Variants in PTPRT observed in about 807,000 individuals in gnomAD.
PTPRT encodes receptor-type tyrosine-protein phosphatase T.
PTPRT carries 56 observed loss-of-function variants against 176.8 expected under a neutral mutation model. The ratio of observed to expected loss-of-function variants is 0.32; its 90% CI spans 0.26 to 0.40. The LOEUF (loss-of-function observed/expected upper bound fraction) is 0.40, where lower values mean the gene tolerates loss of function less well. Among genes scored for constraint, PTPRT ranks in the 10% least tolerant of loss-of-function variants. The pLI, the probability that PTPRT is intolerant of heterozygous loss-of-function variation, is 1.00. For missense variants in PTPRT, 1,540 were observed against 1,908.2 expected, an observed-to-expected ratio of 0.81 and a Z score of 3.60; for synonymous variants, 783 against 739.0, an observed-to-expected ratio of 1.06 and a Z score of -0.96.
the PTPRT span, among the ~76,000 whole-genome samples, chr20:42,056,399 G>A: frequency 6.6e-6 from 1 of 152,164 alleles, no homozygotes; most frequent in Non-Finnish European, 1.5e-5. Flanking sequence ...CATTGTGGAG[G>A]CATGAAAAAT....
Position 42,455,537 on chromosome 20 carries a change from T to G in PTPRT, c.1451-7208A>C, listed in dbSNP as rs60219886. ...AAACACTTTCTCTATCCTGAAGTCA[T>G]GAGAATATTTGTCTAAATTTTCATT... On this transcript the variant is annotated intron_variant, in intron 8 of 30. Coordinates refer to ENST00000373187, the MANE Select transcript of PTPRT (RefSeq NM_007050.6). Among the ~76,000 whole-genome samples, 748 of 152,332 alleles carry G rather than the reference T, an allele frequency of 4.9e-3. 6 individuals are homozygous for G. The highest frequency in any genetic ancestry group is 0.016 in the African/African-American group (686 of 41,578).
intron 6 of PTPRT, among the ~76,000 whole-genome samples, chr20:42,724,380 G>A (rs2076346984): frequency 6.6e-6 from 1 of 152,188 alleles, no homozygotes; most frequent in African/African-American, 2.4e-5. Context: ...ACCCTCTGGT[G>A]GTCAGTGGGG....
chr20:42,907,481 T>C (rs1365279304), intron 1 of PTPRT, among the ~76,000 whole-genome samples: 1 of 152,158 alleles, frequency 6.6e-6, no homozygotes, highest in East Asian at 1.9e-4. Flanking sequence ...TTTTAATGTT[T>C]TTCTCATTGA....
chr20:42,338,174 C>T (rs973137338), intron 11 of PTPRT, among the ~76,000 whole-genome samples: 1 of 152,194 alleles, frequency 6.6e-6, no homozygotes, highest in Admixed American at 6.5e-5. Context: ...TTCAATTAGG[C>T]ACTCTATAAT....
At chr20:42,499,770 A>C (rs1478409205) in intron 7 of PTPRT, among the ~76,000 whole-genome samples, 1 of 152,170 alleles carries the variant, frequency 6.6e-6, no homozygotes, top group African/African-American at 2.4e-5. Context: ...TGTCCAATAT[A>C]TGTATTGAAA....
intron 1 of PTPRT, among the ~76,000 whole-genome samples, chr20:43,062,453 T>C (rs544298300): frequency 6.6e-6 from 1 of 152,328 alleles, no homozygotes; most frequent in South Asian, 2.1e-4. Context: ...GCTTCTGTTA[T>C]TACTGTTAAT....
intron 5 of PTPRT, among the ~76,000 whole-genome samples, chr20:42,770,970 G>A (rs1238656920): frequency 6.6e-6 from 1 of 152,196 alleles, no homozygotes. Context: ...AGGAACAGAA[G>A]TACTTTAAAA....
intron 12 of PTPRT, among the ~76,000 whole-genome samples, chr20:42,315,119 A>T (rs1196612774): frequency 1.5e-5 from 1 of 64,710 alleles, no homozygotes; most frequent in Non-Finnish European, 3.5e-5. Context: ...CGGAGCTTGC[A>T]GTGAGCCGAG....
intron 9 of PTPRT, among the ~76,000 whole-genome samples, chr20:42,397,665 A>G (rs1035513816): frequency 1.3e-5 from 2 of 152,200 alleles, no homozygotes; most frequent in African/African-American, 2.4e-5. Flanking sequence ...GTGTATATGT[A>G]ACACATTGCT....
rs188929681 is a variant in PTPRT, at chr20:43,028,316, T to A, written c.89-142384A>T. On this transcript the variant is annotated intron_variant, in intron 1 of 30. Coordinates refer to ENST00000373187, the MANE Select transcript of PTPRT (RefSeq NM_007050.6). Reference sequence around the variant, plus strand: ...AAGCACACCTACTTGGAGTGTCCCTTTTGTCCTTGCTTTGCCCTTTGAACT... The same window carrying A: ...AAGCACACCTACTTGGAGTGTCCCTATTGTCCTTGCTTTGCCCTTTGAACT... Among the ~76,000 whole-genome samples, 80 of 152,204 alleles carry A rather than the reference T, an allele frequency of 5.3e-4. 3 individuals are homozygous for A. The East Asian group carries it at 9.1e-3, about 17-fold the overall frequency.
intron 2 of PTPRT, among the ~76,000 whole-genome samples, chr20:42,816,062 T>C (rs111665270): frequency 3.8e-4 from 58 of 152,310 alleles, no homozygotes; most frequent in African/African-American, 1.3e-3. Context: ...ACAAAAGTCT[T>C]CTTTCTTGGG....
intron 12 of PTPRT, among the ~76,000 whole-genome samples, chr20:42,282,856 C>T (rs1284960833): frequency 6.6e-6 from 1 of 152,092 alleles, no homozygotes; most frequent in Non-Finnish European, 1.5e-5. Flanking sequence ...GTAGTGGGTA[C>T]TTGGGGTATG....
chr20:43,060,179 C>G (rs1200957533), intron 1 of PTPRT, among the ~76,000 whole-genome samples: 1 of 151,994 alleles, frequency 6.6e-6, no homozygotes, highest in Non-Finnish European at 1.5e-5. Context: ...TTATCTTAGT[C>G]CATTTGAGCT....
chr20:42,085,718 G>T lies in PTPRT; in HGVS notation c.3972+10C>A. 1 of 1,613,362 alleles carries T rather than the reference G, an allele frequency of 6.2e-7. No homozygotes were observed. The highest frequency in any genetic ancestry group is 8.5e-7 in the Non-Finnish European group (1 of 1,179,930). On this transcript the variant is annotated intron_variant, in intron 28 of 30. Coordinates refer to ENST00000373187, the MANE Select transcript of PTPRT (RefSeq NM_007050.6). ...AGGGGCTCAGCAAGCAATGGCGGCC[G>T]TGTACTTACCCGGGCCATGTTACAG...
intron 16 of PTPRT, among the ~76,000 whole-genome samples, chr20:42,170,498 A>G (rs1307486040): frequency 1.3e-5 from 2 of 152,236 alleles, no homozygotes; most frequent in African/African-American, 4.8e-5. Flanking sequence ...AAAAATATTT[A>G]CTGGGTGAGG....
intron 2 of PTPRT, among the ~76,000 whole-genome samples, chr20:42,852,091 AC>A (rs1261292029): frequency 6.6e-6 from 1 of 152,148 alleles, no homozygotes; most frequent in African/African-American, 2.4e-5. Flanking sequence ...ACTCTCTGTA[AC>A]TTTTTGCTGT....
chr20:43,072,966 G>A (rs1024643388), intron 1 of PTPRT, among the ~76,000 whole-genome samples: 2 of 152,102 alleles, frequency 1.3e-5, no homozygotes, highest in Admixed American at 1.3e-4. Flanking sequence ...TAAGATCAAG[G>A]CAGAAGCTGA....
At chr20:42,576,137 G>T (rs780121852) in intron 7 of PTPRT, among the ~76,000 whole-genome samples, 12 of 152,144 alleles carry the variant, frequency 7.9e-5, no homozygotes, top group Non-Finnish European at 1.6e-4. Flanking sequence ...TGGAGCATCT[G>T]CATGAGTTCT....
chr20:42,816,966 G>A (rs891874097), intron 2 of PTPRT, among the ~76,000 whole-genome samples: 1 of 152,202 alleles, frequency 6.6e-6, no homozygotes, highest in African/African-American at 2.4e-5. Flanking sequence ...GGGAGAAGGG[G>A]AGATCAACAA....
Sources: gnomAD v4.1 joint callset for allele counts (sites outside exome capture counted in the v4.1 genomes callset) on GRCh38, gnomAD v4.1.1 for gene constraint, MANE v1.5 for transcripts, NCBI Gene and HGNC (gene_info 2026-07-23, HGNC 2026-07-21) for gene names.